The following TPH2 variants were observed in gnomAD, a reference collection of about 807,000 sequenced individuals.
TPH2 encodes the protein tryptophan hydroxylase 2, also known as tryptophan 5-hydroxylase 2.
A neutral mutation model predicts 59.1 loss-of-function variants in TPH2; 27 were observed. The observed-to-expected ratio is 0.46, with a 90% CI of 0.34 to 0.63. The LOEUF (loss-of-function observed/expected upper bound fraction) is 0.63, where lower values mean the gene tolerates loss of function less well. TPH2 is among the 30% of genes least tolerant of loss of function. The pLI, the probability that TPH2 is intolerant of heterozygous loss-of-function variation, is 0.01. For synonymous variants in TPH2, 220 were observed against 210.5 expected (o/e 1.05, Z -0.39); for missense variants, 523 against 588.3 (o/e 0.89, Z 1.15).
At chr12:72,002,002 CTATAGTCAATAATAA>C (rs1872835395) in intron 8 of TPH2, among the ~76,000 whole-genome samples, 1 of 152,002 alleles carries the variant, frequency 6.6e-6, no homozygotes, top group Non-Finnish European at 1.5e-5. Flanking sequence ...AGAAGGGTGA[CTATAGTCAATAATAA>C]TGTCTATTTC....
chr12:71,989,629 T>C (rs866264163), intron 7 of TPH2, among the ~76,000 whole-genome samples: 1 of 152,340 alleles, frequency 6.6e-6, no homozygotes, highest in Middle Eastern at 3.4e-3. Context: ...GCTCAGTCAA[T>C]TCCTCGTAAA....
intron 8 of TPH2, among the ~76,000 whole-genome samples, chr12:72,019,489 C>G (rs775302661): frequency 1.2e-4 from 19 of 152,184 alleles, no homozygotes; most frequent in Non-Finnish European, 2.5e-4. Context: ...TTTTTAATTT[C>G]TTAATGAAAA....
intron 7 of TPH2, among the ~76,000 whole-genome samples, chr12:71,987,896 T>C (rs2129576): frequency 0.21 from 31,393 of 152,012 alleles, 3,513 homozygotes; most frequent in East Asian, 0.36. Context: ...TCTTACAATC[T>C]CCACTTTATA....
chr12:71,967,641 G>T (rs1165467267), intron 5 of TPH2, among the ~76,000 whole-genome samples: 1 of 152,170 alleles, frequency 6.6e-6, no homozygotes, highest in African/African-American at 2.4e-5. Context: ...CCATATAAAT[G>T]CAGGAGACTT....
Position 71,994,559 on chromosome 12 carries a change from A to G in TPH2, c.1062A>G (p.Leu354=). 1.2e-6 allele frequency: 2 copies of G among 1,613,882 alleles called. No individual in the cohort carries two copies. Among genetic ancestry groups the G allele is most frequent in the Non-Finnish European group, 1.7e-6 (2 of 1,179,792 alleles). Residue 354 remains leucine (L), a synonymous_variant, in exon 8 of 11, where the codon CTA becomes CTG. Transcript: ENST00000333850. ...LGASDEDVQK[L]ATCYFFTIEF... is the part of the protein sequence containing the mutation. ...CATCAGATGAAGATGTTCAGAAACT[A>G]GCCACGGTGAGTTCATTTTCAACTT...
intron 8 of TPH2, among the ~76,000 whole-genome samples, chr12:71,997,651 C>T (rs1872726965): frequency 6.6e-6 from 1 of 152,112 alleles, no homozygotes; most frequent in Admixed American, 6.5e-5. Flanking sequence ...CTCCCTCTCT[C>T]TTTTATTGTC....
intron 7 of TPH2, among the ~76,000 whole-genome samples, chr12:71,992,253 A>G (rs1872592046): frequency 2.6e-5 from 4 of 152,202 alleles, no homozygotes; most frequent in African/African-American, 9.7e-5. Context: ...GAGCAGAAAG[A>G]GTGTAGCTTT....
intron 8 of TPH2, among the ~76,000 whole-genome samples, chr12:72,009,024 A>G (rs17110668): frequency 0.017 from 2,552 of 152,276 alleles, 76 homozygotes; most frequent in African/African-American, 0.058. Flanking sequence ...AGAGGATATC[A>G]CATGACATCC....
At chr12:71,971,066 G>T (rs567396668) in intron 5 of TPH2, among the ~76,000 whole-genome samples, 1 of 152,242 alleles carries the variant, frequency 6.6e-6, no homozygotes, top group Admixed American at 6.5e-5. Flanking sequence ...GGCAGCTAGG[G>T]GATCTGTTTG....
rs376861843 is a variant in TPH2 at position 72,022,153 on chromosome 12, C to T, written c.1069-246C>T. Among the ~76,000 whole-genome samples, 6 of 152,094 alleles carry T rather than the reference C, an allele frequency of 3.9e-5. No homozygotes were observed. The East Asian group carries it at 7.7e-4, about 20-fold the overall frequency. On this transcript the variant is annotated intron_variant, in intron 8 of 10. Coordinates refer to ENST00000333850, the MANE Select transcript of TPH2 (RefSeq NM_173353.4). ...TGATTGCAGGGGATATAATTTGACT[C>T]ATAGGGCTTCTGAATTCAGGAAGCG...
chr12:71,979,267 G>T (rs1476056178), intron 7 of TPH2, among the ~76,000 whole-genome samples, 180 bp downstream of exon 7: 1 of 152,284 alleles, frequency 6.6e-6, no homozygotes, highest in Non-Finnish European at 1.5e-5. Context: ...ATCTGGGTCC[G>T]TGGGGGCCCC....
At chr12:71,945,907 T>G (rs2139180412) in intron 4 of TPH2, among the ~76,000 whole-genome samples, 1 of 152,334 alleles carries the variant, frequency 6.6e-6, no homozygotes, top group South Asian at 2.1e-4. Context: ...TTTCAGAATA[T>G]TTTCCAGTAA....
At chr12:71,958,220 A>G (rs1158849294) in intron 5 of TPH2, among the ~76,000 whole-genome samples, 2 of 152,204 alleles carry the variant, frequency 1.3e-5, no homozygotes, top group African/African-American at 4.8e-5. Flanking sequence ...TATTTATAGT[A>G]CTAGGGTCAT....
intron 5 of TPH2, among the ~76,000 whole-genome samples, chr12:71,952,835 T>C (rs557348447): frequency 4.6e-5 from 7 of 152,302 alleles, no homozygotes; most frequent in African/African-American, 1.7e-4. Flanking sequence ...AGAGAATGCA[T>C]GTGCTGTACC....
intron 9 of TPH2, among the ~76,000 whole-genome samples, chr12:72,022,936 C>T (rs1346640179): frequency 2.0e-5 from 3 of 152,200 alleles, no homozygotes; most frequent in African/African-American, 7.2e-5. Context: ...GATGTTGTTT[C>T]AGCTTCTTCA....
At chr12:71,952,477 T>C (rs1030776378) in intron 5 of TPH2, among the ~76,000 whole-genome samples, 4 of 152,128 alleles carry the variant, frequency 2.6e-5, no homozygotes, top group African/African-American at 7.2e-5. Flanking sequence ...ACAACCCTCA[T>C]AGGACTCACA....
chr12:72,008,502 A>C (rs918186729), intron 8 of TPH2, among the ~76,000 whole-genome samples: 2 of 152,168 alleles, frequency 1.3e-5, no homozygotes, highest in African/African-American at 4.8e-5. Flanking sequence ...ACATATGTTC[A>C]TTCATGTGAG....
chr12:72,014,260 G>C (rs1320092920), intron 8 of TPH2, among the ~76,000 whole-genome samples: 1 of 152,018 alleles, frequency 6.6e-6, no homozygotes, highest in Non-Finnish European at 1.5e-5. Flanking sequence ...CTTCCATCTC[G>C]AAGTTTCTAG....
chr12:72,015,705 T>A (rs557939362), intron 8 of TPH2, among the ~76,000 whole-genome samples: 96 of 152,288 alleles, frequency 6.3e-4, no homozygotes, highest in African/African-American at 2.2e-3. Flanking sequence ...CTGAGATTTA[T>A]CTTTTTGTTA....
Sources: allele counts gnomAD v4.1 joint callset (sites outside exome capture counted in the v4.1 genomes callset), GRCh38; gene constraint gnomAD v4.1.1; transcripts MANE v1.5; gene names NCBI Gene and HGNC (gene_info 2026-07-23, HGNC 2026-07-21).